The following DNPEP variants were observed in gnomAD, a reference collection of about 807,000 sequenced individuals.
The protein encoded by DNPEP is aspartyl aminopeptidase.
DNPEP carries 46 observed loss-of-function variants against 59.1 expected under a neutral mutation model. That is an observed-to-expected ratio of 0.78 (90% CI 0.61 to 0.99). The LOEUF is 0.99. Ranked by LOEUF, DNPEP falls within the 50% of genes least tolerant of loss-of-function variation. The pLI is 0.00. For missense variants in DNPEP, 617 were observed against 649.9 expected, an observed-to-expected ratio of 0.95 and a Z score of 0.55; for synonymous variants, 229 against 242.2, an observed-to-expected ratio of 0.95 and a Z score of 0.50.
In DNPEP at chr2:219,382,085, G is replaced by A. The variant is rs748861718; in HGVS notation, c.991C>T (p.Arg331Trp). ...TGCTGGCACGAGGCTGAGATCCGCCGCAGCACCAGCTCTGTCAGCAGTGAC... is the reference window on the plus strand; with the variant it reads ...TGCTGGCACGAGGCTGAGATCCGCCACAGCACCAGCTCTGTCAGCAGTGAC... The part of the protein sequence containing the change: ...AQSLLTELVL[R>W]RISASCQHPT... The change falls in exon 11 of 15, where the codon CGG (arginine) becomes TGG (tryptophan). Residue 331 changes from arginine (R) to tryptophan (W), a missense_variant. By Grantham distance (101) the Arg-to-Trp change is moderately radical. Transcript: ENST00000273075. 1.2e-5 allele frequency: 20 copies of A among 1,613,782 alleles called. No individual in the cohort carries two copies. The highest frequency in any genetic ancestry group is 1.7e-5 in the Admixed American group (1 of 60,024).
chr2:219,386,517 A>G, intron 4 of DNPEP, 106 bp from the exon 5 acceptor site: 1 of 1,535,080 alleles, frequency 6.5e-7, no homozygotes, highest in Non-Finnish European at 8.9e-7. Context: ...GTCACATGAA[A>G]GGCTCAAGGT....
chr2:219,390,308 C>T (rs1401057713), upstream of DNPEP, among the ~76,000 whole-genome samples: 1 of 151,918 alleles, frequency 6.6e-6, no homozygotes, highest in Non-Finnish European at 1.5e-5. Context: ...TCTAGAATCC[C>T]CAAGAAAATA....
At chr2:219,392,115 G>T (rs113740067), upstream of DNPEP, among the ~76,000 whole-genome samples, 605 of 152,280 alleles carry the variant, frequency 4.0e-3, 7 homozygotes, top group Middle Eastern at 0.01. Context: ...TGGAGTTCAG[G>T]TGGCAAAGTC....
At position 219,385,883 on chromosome 2, in the gene DNPEP, G is replaced by C. The variant is rs566757039; in HGVS notation, c.590+85C>G. Reference sequence around the variant, plus strand: ...ATTAACTGGGTCCCAAGAGTAAAATGTGACCTAATGGCTACCATTAGGTAA... The same window carrying C: ...ATTAACTGGGTCCCAAGAGTAAAATCTGACCTAATGGCTACCATTAGGTAA... On this transcript the variant is annotated intron_variant, in intron 6 of 14. Transcript: ENST00000273075. 225 of 1,553,684 alleles carry C rather than the reference G, an allele frequency of 1.4e-4. No individual in the cohort carries two copies. The Middle Eastern group carries it at 1.9e-3, about 13-fold the overall frequency.
At chr2:219,383,803 A>G (rs1028211143) in intron 9 of DNPEP, among the ~76,000 whole-genome samples, 1 of 152,180 alleles carries the variant, frequency 6.6e-6, no homozygotes, top group African/African-American at 2.4e-5. Flanking sequence ...CCCAAAGCCT[A>G]TCTCCAGCCA....
At chr2:219,393,180 T>C (rs1177304126), upstream of DNPEP, among the ~76,000 whole-genome samples, 2 of 152,222 alleles carry the variant, frequency 1.3e-5, no homozygotes, top group Non-Finnish European at 2.9e-5. Flanking sequence ...CAAAAAAATC[T>C]CATAATGTTT....
Position 219,373,536 on chromosome 2 carries a change from A to AT in DNPEP, c.*755dup, listed in dbSNP as rs1003569769. 1.7e-3 allele frequency: 248 copies of AT among 148,782 alleles called. No individual in the cohort carries two copies. Among genetic ancestry groups the AT allele is most frequent in the African/African-American group, 5.6e-3 (224 of 40,360 alleles). The allele number at this position is 148,782 out of a possible 1,614,324, so 9.2% of individuals were successfully genotyped here. Reference sequence around the variant, plus strand: ...CACCATGCCTGGCTAATTTTTTTGTATTTTTTTTTAAGTAGAGATGGGTTT... The same window carrying AT: ...CACCATGCCTGGCTAATTTTTTTGTATTTTTTTTTTAAGTAGAGATGGGTTT... On this transcript the variant is annotated 3_prime_UTR_variant, in exon 15 of 15. Coordinates refer to ENST00000273075, the MANE Select transcript of DNPEP (RefSeq NM_012100.4).
rs766929498 is a variant in DNPEP at position 219,386,677 on chromosome 2, G to C, written c.321C>G (p.Ser107Arg). 6.2e-7 allele frequency: 1 copy of C among 1,611,720 alleles called. No individual in the cohort carries two copies. The highest frequency in any genetic ancestry group is 8.5e-7 in the Non-Finnish European group (1 of 1,179,348). Reference protein sequence around the residue: ...GFSLIGAHTDSPCLRVKRRSR... With the variant: ...GFSLIGAHTDRPCLRVKRRSR... ...CCGAGTTCCTTACCCGGAGGCAGGG[G>C]CTGTCCGTGTGGGCCCCGATGAGGC... The change falls in exon 4 of 15, where the codon AGC becomes AGG. Residue 107 changes from serine (S) to arginine (R), a missense_variant. By Grantham distance (110) the Ser-to-Arg change is moderately radical. Transcript: ENST00000273075.
chr2:219,396,039 G>T (rs1234032031), intron 1 of DNPEP, among the ~76,000 whole-genome samples: 1 of 152,192 alleles, frequency 6.6e-6, no homozygotes, highest in South Asian at 2.1e-4. Flanking sequence ...TAAATGCAAC[G>T]CTGTGGATGG....
In DNPEP at chr2:219,382,137, C is replaced by T. The variant is rs377719830; in HGVS notation, c.939G>A (p.Val313=). The change falls in exon 11 of 15, where the codon GTG becomes GTA. Residue 313 remains valine (V), a splice_region_variant and synonymous_variant. Coordinates refer to ENST00000273075, the MANE Select transcript of DNPEP (RefSeq NM_012100.4). ...RMVTLYDNEE[V]GSESAQGAQS... ...GTGCTCCCTGTGCACTCTCAGACCC[C>T]ACCTGGCGACAGTAGAGTCCTGACT... 2.7e-5 allele frequency: 44 copies of T among 1,608,996 alleles called. No homozygotes were observed. The highest frequency in any genetic ancestry group is 8.9e-5 in the East Asian group (4 of 44,880).
At chr2:219,396,668 T>C (rs1221823792) in intron 1 of DNPEP, among the ~76,000 whole-genome samples, 1 of 152,192 alleles carries the variant, frequency 6.6e-6, no homozygotes, top group African/African-American at 2.4e-5. Flanking sequence ...ATGCTTATAC[T>C]AAAAACAAAA....
intron 13 of DNPEP, among the ~76,000 whole-genome samples, chr2:219,378,524 G>A (rs1953461704): frequency 6.6e-6 from 1 of 152,050 alleles, no homozygotes; most frequent in East Asian, 1.9e-4. Flanking sequence ...AAGAGCCCTG[G>A]GCTGGGAGTC....
Position 219,386,896 on chromosome 2 carries a change from C to T in DNPEP, c.215G>A (p.Ser72Asn), listed in dbSNP as rs1953867147. ...ETEKWNIKPESKYFMTRNSST... is the reference protein window; with the variant it reads ...ETEKWNIKPENKYFMTRNSST... ...CCCCCACCCCACCCCCAGTACCTTG[C>T]TCTCGGGCTTAATATTCCATTTCTC... The change falls in exon 3 of 15, where the codon AGC (serine) becomes AAC (asparagine). Residue 72 changes from serine to asparagine, a missense_variant. Coordinates refer to ENST00000273075, the MANE Select transcript of DNPEP (RefSeq NM_012100.4). The T allele has an allele frequency of 1.9e-6, 3 of 1,592,488 alleles. No individual in the cohort carries two copies. Among genetic ancestry groups the T allele is most frequent in the South Asian group, 1.1e-5 (1 of 90,644 alleles).
chr2:219,384,303 C>A, intron 9 of DNPEP, 63 bp downstream of exon 9: 1 of 1,511,148 alleles, frequency 6.6e-7, no homozygotes, highest in South Asian at 1.2e-5. Flanking sequence ...GCAGCTCCCC[C>A]GACCCCAAAC....
Position 219,383,018 on chromosome 2 carries a change from C to T in DNPEP, c.936+113G>A, listed in dbSNP as rs575809480. 1.0e-5 allele frequency: 8 copies of T among 803,338 alleles called. No homozygotes were observed. In the East Asian group the frequency reaches 2.1e-4, roughly 21 times the overall value. The allele number at this position is 803,338 out of a possible 1,614,324, so 49.8% of individuals were successfully genotyped here. ...AGTGCTAAGGAGGCACAGGCAGCAT[C>T]TCCCCTGTCTTGGGGCCCCCAGAAG... is the stretch of plus-strand genomic sequence containing the variant. On this transcript the variant is annotated intron_variant, in intron 10 of 14. Transcript: ENST00000273075.
chr2:219,385,238 G>T (rs1397521941), intron 8 of DNPEP, 186 bp downstream of exon 8: 3 of 570,910 alleles, frequency 5.3e-6, no homozygotes, highest in Non-Finnish European at 9.5e-6. Context: ...GGCAGGTCTG[G>T]GGTAGGGAAC....
chr2:219,381,689 G>A (rs542050728), intron 11 of DNPEP, 105 bp from the exon 12 acceptor site: 18 of 1,304,134 alleles, frequency 1.4e-5, no homozygotes, highest in East Asian at 6.9e-5. Flanking sequence ...ACTCTTTCCC[G>A]CCCAGCCCAG....
intron 11 of DNPEP, 153 bp from the exon 12 acceptor site, chr2:219,381,737 C>A: frequency 1.0e-6 from 1 of 969,374 alleles, no homozygotes. Flanking sequence ...GGGTTCCGGG[C>A]AGCCTCTAGC....
intron 9 of DNPEP, 117 bp downstream of exon 9, chr2:219,384,249 G>T: frequency 1.0e-6 from 1 of 957,918 alleles, no homozygotes; most frequent in Non-Finnish European, 1.6e-6. Flanking sequence ...AGCAGACTGA[G>T]CGGGTAGACA....
Sources: allele counts gnomAD v4.1 joint callset (sites outside exome capture counted in the v4.1 genomes callset), GRCh38; gene constraint gnomAD v4.1.1; transcripts MANE v1.5; gene names NCBI Gene and HGNC (gene_info 2026-07-23, HGNC 2026-07-21).